ZNF595: variants seen among roughly 807,000 people sequenced by gnomAD.
The protein encoded by ZNF595 is zinc finger protein 595.
A neutral mutation model predicts 19.4 loss-of-function variants in ZNF595; 9 were observed. The ratio of observed to expected loss-of-function variants is 0.46; its 90% CI spans 0.28 to 0.81. The LOEUF is 0.81. Ranked by LOEUF, ZNF595 falls within the 30% of genes least tolerant of loss-of-function variation. ZNF595 has a pLI of 0.11. For synonymous variants in ZNF595, 255 were observed against 255.9 expected, an observed-to-expected ratio of 1.00 and a Z score of 0.03; for missense variants, 729 against 736.0, an observed-to-expected ratio of 0.99 and a Z score of 0.11.
chr4:74,259 G>A (rs1317309724), intron 3 of ZNF595, among the ~76,000 whole-genome samples: 1 of 151,782 alleles, frequency 6.6e-6, no homozygotes, highest in Non-Finnish European at 1.5e-5. Flanking sequence ...GATTTATGAT[G>A]TATCCTGGAG....
intron 3 of ZNF595, among the ~76,000 whole-genome samples, chr4:79,964 A>G: frequency 6.6e-6 from 1 of 152,122 alleles, no homozygotes; most frequent in East Asian, 1.9e-4. Flanking sequence ...GCTGCTAGAC[A>G]TCTTTATTTT....
rs1553801914 is a variant in ZNF595 at position 87,027 on chromosome 4, A to T, written c.1523A>T (p.Tyr508Phe). The T allele has an allele frequency of 6.2e-7, 1 of 1,613,904 alleles. No individual in the cohort carries two copies. Among genetic ancestry groups the T allele is most frequent in the African/African-American group, 1.3e-5 (1 of 74,894 alleles). ...AATATTCATACTGGAGAGAAACCCT[A>T]CAAATGTAAAGAATGTGGCAAAGCT... Reference protein sequence around the residue: ...HKNIHTGEKPYKCKECGKAFN... With the variant: ...HKNIHTGEKPFKCKECGKAFN... The change falls in exon 4 of 4, where the codon TAC becomes TTC. Residue 508 changes from tyrosine (Y) to phenylalanine (F), a missense_variant. Tyr to Phe is a conservative substitution (Grantham distance 22). This residue lies in a region of ZNF595 where 729 missense variants were observed against 675.3 expected (regional missense o/e 1.08). Coordinates refer to ENST00000610261, the MANE Select transcript of ZNF595 (RefSeq NM_182524.4).
rs970527437 is a variant in ZNF595 at position 75,165 on chromosome 4, G to A, written c.227-10566G>A. On this transcript the variant is annotated intron_variant, in intron 3 of 3. Transcript: ENST00000610261. ...GTGTCCTTAACTCTAAGTCTCTTGT[G>A]TGCAGCATATGGTTGATTTTATAAA... Among the ~76,000 whole-genome samples, 44 of 152,224 alleles carry A rather than the reference G, an allele frequency of 2.9e-4. 1 individual carries two copies. The highest frequency in any genetic ancestry group is 1.1e-3 in the African/African-American group (44 of 41,542).
intron 3 of ZNF595, among the ~76,000 whole-genome samples, chr4:77,576 G>C (rs1713724731): frequency 6.6e-6 from 1 of 152,130 alleles, no homozygotes; most frequent in Non-Finnish European, 1.5e-5. Context: ...TCTCCTGTTT[G>C]ATCTCTGGGC....
chr4:60,782 G>A (rs1712821103), intron 3 of ZNF595, among the ~76,000 whole-genome samples: 1 of 152,198 alleles, frequency 6.6e-6, no homozygotes, highest in Non-Finnish European at 1.5e-5. Context: ...AATTTTATCA[G>A]AACAATAAGC....
At chr4:66,884 CTT>C (rs1363636183) in intron 3 of ZNF595, among the ~76,000 whole-genome samples, 3 of 151,268 alleles carry the variant, frequency 2.0e-5, no homozygotes, top group Admixed American at 6.6e-5. Flanking sequence ...TAACTTTGTT[CTT>C]GTTTTCTAAG....
intron 3 of ZNF595, among the ~76,000 whole-genome samples, chr4:78,080 C>G (rs1553799084): frequency 6.6e-6 from 1 of 152,204 alleles, no homozygotes; most frequent in South Asian, 2.1e-4. Flanking sequence ...GCGATCTCGG[C>G]TCACTGTAAG....
At chr4:85,627 C>A in intron 3 of ZNF595, 104 bp from the exon 4 acceptor site, 1 of 1,298,424 alleles carries the variant, frequency 7.7e-7, no homozygotes, top group Non-Finnish European at 1.0e-6. Flanking sequence ...TTTTGTTATG[C>A]TATCTTACTA....
intron 3 of ZNF595, among the ~76,000 whole-genome samples, chr4:79,885 A>G (rs1713834201): frequency 6.6e-6 from 1 of 151,704 alleles, no homozygotes; most frequent in Admixed American, 6.6e-5. Flanking sequence ...TCAAATTTTC[A>G]TGTCTTTTTC....
In ZNF595 at chr4:87,448, T is replaced by C. The variant is rs1553802161; in HGVS notation, c.1944T>C (p.Ser648=). 4 of 1,565,220 alleles carry C rather than the reference T, an allele frequency of 2.6e-6. No individual in the cohort carries two copies. Among genetic ancestry groups the C allele is most frequent in the African/African-American group, 2.7e-5 (2 of 73,548 alleles). The change falls in exon 4 of 4, where the codon AGT becomes AGC. Residue 648 remains serine (S), a synonymous_variant. Coordinates refer to ENST00000610261, the MANE Select transcript of ZNF595 (RefSeq NM_182524.4). Reference sequence around the variant, plus strand: ...GAATTCATACTGGCAAGGAACATAGTTGAATGACATTTCTAGTAATCTCTA... The same window carrying C: ...GAATTCATACTGGCAAGGAACATAGCTGAATGACATTTCTAGTAATCTCTA... The part of the protein sequence containing the change: ...HKRIHTGKEH[S]
chr4:81,008 G>A (rs781802839), intron 3 of ZNF595, among the ~76,000 whole-genome samples: 16 of 151,834 alleles, frequency 1.1e-4, no homozygotes, highest in Middle Eastern at 3.2e-3. Context: ...GACAGGCCCC[G>A]GTGTGTGATG....
Position 86,063 on chromosome 4 carries a change from C to A in ZNF595, c.559C>A (p.Leu187Ile), listed in dbSNP as rs782281954. 6.2e-7 allele frequency: 1 copy of A among 1,612,688 alleles called. No homozygotes were observed. The highest frequency in any genetic ancestry group is 8.5e-7 in the Non-Finnish European group (1 of 1,179,300). ...ECGRSFYMSH[L>I]TQHTGIHAGE... ...TGGCAGATCGTTTTACATGTCACAC[C>A]TAACTCAACATACAGGAATTCATGC... Residue 187 changes from leucine (L) to isoleucine (I), a missense_variant, in exon 4 of 4, where the codon CTA (leucine) becomes ATA (isoleucine). Coordinates refer to ENST00000610261, the MANE Select transcript of ZNF595 (RefSeq NM_182524.4).
At chr4:83,890 T>C (rs1294576495) in intron 3 of ZNF595, among the ~76,000 whole-genome samples, 1 of 151,976 alleles carries the variant, frequency 6.6e-6, no homozygotes, top group Non-Finnish European at 1.5e-5. Context: ...TTATTCATGT[T>C]ATTTTATTAA....
rs1466345501 is a variant in ZNF595, at chr4:68,995, A to G, written c.226+8842A>G. Among the ~76,000 whole-genome samples, 3 of 152,238 alleles carry G rather than the reference A, an allele frequency of 2.0e-5. No homozygotes were observed. In the East Asian group the frequency reaches 5.8e-4, roughly 29 times the overall value. ...TTTTTAGCTCCAGCAAATGTGTGAG[A>G]ACATGCAAAGTTTGCCATCATGTGC... On this transcript the variant is annotated intron_variant, in intron 3 of 3. Transcript: ENST00000610261.
intron 3 of ZNF595, 60 bp from the exon 4 acceptor site, chr4:85,671 G>C: frequency 1.3e-6 from 2 of 1,481,844 alleles, no homozygotes; most frequent in African/African-American, 1.4e-5. Flanking sequence ...TATTACATTC[G>C]TAAAGTATAT....
In ZNF595 at chr4:83,041, C is replaced by T. The variant is rs141082018; in HGVS notation, c.227-2690C>T. Reference sequence around the variant, plus strand: ...GTATTTGCTTTATATATTTGGAACCCTAATGTAAGACACACATACACACAC... The same window carrying T: ...GTATTTGCTTTATATATTTGGAACCTTAATGTAAGACACACATACACACAC... On this transcript the variant is annotated intron_variant, in intron 3 of 3. Coordinates refer to ENST00000610261, the MANE Select transcript of ZNF595 (RefSeq NM_182524.4). Among the ~76,000 whole-genome samples, 15 of 152,036 alleles carry T rather than the reference C, an allele frequency of 9.9e-5. No homozygotes were observed. In the East Asian group the frequency reaches 2.3e-3, roughly 24 times the overall value.
chr4:86,863 A>G lies in ZNF595; in HGVS notation c.1359A>G (p.Lys453=). The change falls in exon 4 of 4, where the codon AAA becomes AAG. Residue 453 remains lysine, a synonymous_variant. Coordinates refer to ENST00000610261, the MANE Select transcript of ZNF595 (RefSeq NM_182524.4). ...KRIHSGQKPY[K]CEECGKAFTR... The stretch of plus-strand genomic sequence containing the variant: ...TCCATTCTGGGCAAAAACCTTACAA[A>G]TGTGAAGAATGTGGCAAAGCCTTTA... The G allele has an allele frequency of 1.1e-5, 18 of 1,613,828 alleles. No individual in the cohort carries two copies. Among genetic ancestry groups the G allele is most frequent in the Non-Finnish European group, 1.5e-5 (18 of 1,179,852 alleles).
At chr4:64,757 T>C in intron 3 of ZNF595, among the ~76,000 whole-genome samples, 1 of 152,422 alleles carries the variant, frequency 6.6e-6, no homozygotes, top group South Asian at 2.1e-4. Context: ...CATGGATTCT[T>C]TCTGGGCCAT....
rs906531800 is a variant in ZNF595 at position 76,133 on chromosome 4, A to G, written c.227-9598A>G. On this transcript the variant is annotated intron_variant, in intron 3 of 3. Coordinates refer to ENST00000610261, the MANE Select transcript of ZNF595 (RefSeq NM_182524.4). The stretch of plus-strand genomic sequence containing the variant: ...GCTCTTGAACTTCTAGGCTCAAACA[A>G]TTCACCTGCTTTGGCTTCCCAAAGT... Among the ~76,000 whole-genome samples the G allele has an allele frequency of 9.9e-5, 15 of 152,254 alleles. 1 individual carries two copies. The highest frequency in any genetic ancestry group is 3.1e-4 in the African/African-American group (13 of 41,542).
Sources: allele counts gnomAD v4.1 joint callset (sites outside exome capture counted in the v4.1 genomes callset), GRCh38; gene constraint gnomAD v4.1.1; regional missense constraint gnomAD v4.1.1; transcripts MANE v1.5; gene names NCBI Gene and HGNC (gene_info 2026-07-23, HGNC 2026-07-21).